GUCY2F: variants seen among roughly 807,000 people sequenced by gnomAD.
GUCY2F encodes guanylate cyclase 2F, retinal, also known as retinal guanylyl cyclase 2.
GUCY2F carries 61 observed loss-of-function variants against 73.1 expected under a neutral mutation model. That is an observed-to-expected ratio of 0.83 (90% CI 0.68 to 1.03). The LOEUF (loss-of-function observed/expected upper bound fraction) is 1.03. Ranked by LOEUF, GUCY2F falls within the 50% of genes least tolerant of loss-of-function variation. GUCY2F has a pLI of 0.00. For missense variants in GUCY2F, 912 were observed against 854.3 expected (o/e 1.07, Z -0.84); for synonymous variants, 331 against 307.8 (o/e 1.08, Z -0.79).
intron 6 of GUCY2F, among the ~76,000 whole-genome samples, chrX:109,447,518 C>T (rs1249400739): frequency 9.3e-6 from 1 of 107,587 alleles, no homozygotes; most frequent in Non-Finnish European, 1.9e-5. Context: ...GGCAAACTAT[C>T]GCAAGGACAG....
At position 109,385,261 on chromosome X, in the gene GUCY2F, A is replaced by G. The variant is rs1405922499; in HGVS notation, c.2978T>C (p.Val993Ala). ...GCAGTATCTGGGCATGGTGAGGCCC[A>G]CCACTCCAGCAACAACCGGCCCTAT... The part of the protein sequence containing the change: ...LHSGPVVAGV[V>A]GLTMPRYCLF... The change falls in exon 16 of 20, where the codon GTG becomes GCG. Residue 993 changes from valine to alanine, a missense_variant. By Grantham distance (64) the Val-to-Ala change is moderately conservative (BLOSUM62 0). Coordinates refer to ENST00000218006, the MANE Select transcript of GUCY2F (RefSeq NM_001522.3). 2 of 1,178,637 alleles carry G rather than the reference A, an allele frequency of 1.7e-6. No individual in the cohort carries two copies. The highest frequency in any genetic ancestry group is 2.3e-6 in the Non-Finnish European group (2 of 866,494).
At chrX:109,441,213 C>T (rs1417858745) in intron 7 of GUCY2F, 138 bp downstream of exon 7, 8 of 365,502 alleles carry the variant, frequency 2.2e-5, no homozygotes, top group Non-Finnish European at 3.9e-5. Context: ...CCAAACGAGT[C>T]CATAAGCAAA....
At chrX:109,424,605 T>C (rs1931441557) in intron 8 of GUCY2F, among the ~76,000 whole-genome samples, 1 of 111,171 alleles carries the variant, frequency 9.0e-6, no homozygotes, top group African/African-American at 3.3e-5. Context: ...AGTTCATGAT[T>C]ATAATCAGTG....
intron 8 of GUCY2F, among the ~76,000 whole-genome samples, chrX:109,419,779 A>G (rs746552619): frequency 6.3e-5 from 7 of 110,478 alleles, no homozygotes; most frequent in Non-Finnish European, 1.3e-4. Flanking sequence ...TGCAATCCCC[A>G]TCAAAAATTA....
intron 8 of GUCY2F, among the ~76,000 whole-genome samples, chrX:109,424,826 G>T: frequency 9.1e-6 from 1 of 109,546 alleles, no homozygotes; most frequent in South Asian, 4.1e-4. Context: ...GAGTTCAATG[G>T]CATGATTTTG....
intron 9 of GUCY2F, among the ~76,000 whole-genome samples, chrX:109,408,788 C>T (rs1170382831): frequency 1.8e-5 from 2 of 111,837 alleles, no homozygotes; most frequent in Admixed American, 9.4e-5. Context: ...CTGAAGCCTC[C>T]CCAGCCATGT....
At chrX:109,478,293 C>G (rs1932735546) in intron 1 of GUCY2F, among the ~76,000 whole-genome samples, 1 of 112,438 alleles carries the variant, frequency 8.9e-6, no homozygotes, top group African/African-American at 3.2e-5. Flanking sequence ...TCCAGCCTCC[C>G]TCTTTTCTCT....
In GUCY2F at chrX:109,453,489, A is replaced by AT. The variant is rs1443621222; in HGVS notation, c.1387+15dup. ...AGCTGAGCCAAATTGACTACTAGTG[A>AT]TTTTGCATTCCTTACCTCCATGGCA... On this transcript the variant is annotated intron_variant, in intron 4 of 19. Coordinates refer to ENST00000218006, the MANE Select transcript of GUCY2F (RefSeq NM_001522.3). 9.1e-7 allele frequency: 1 copy of AT among 1,104,394 alleles called. No individual in the cohort carries two copies. Among genetic ancestry groups the AT allele is most frequent in the Non-Finnish European group, 1.2e-6 (1 of 807,829 alleles). 91.0% of individuals were successfully genotyped at this position (1,104,394 alleles called of 1,213,427 possible).
chrX:109,402,495 C>G (rs1209811164), intron 10 of GUCY2F, among the ~76,000 whole-genome samples: 5 of 109,688 alleles, frequency 4.6e-5, no homozygotes, highest in Non-Finnish European at 9.5e-5. Context: ...GCCTTAGCCT[C>G]CTGAGTAGCT....
chrX:109,392,015 A>G lies in GUCY2F; in HGVS notation c.2677T>C (p.Phe893Leu), dbSNP rs761282012. ...VTLYFSDIVGFTTISAMSEPI... is the reference protein window; with the variant it reads ...VTLYFSDIVGLTTISAMSEPI... ...TCACTCATGGCTGAAATGGTTGTGA[A>G]GCCCACAATGTCGCTGAAGTACAAG... Residue 893 changes from phenylalanine to leucine, a missense_variant, in exon 14 of 20, where the codon TTC becomes CTC. Transcript: ENST00000218006. The G allele has an allele frequency of 3.3e-6, 4 of 1,206,733 alleles. No individual in the cohort carries two copies. The South Asian group carries it at 5.3e-5, about 16-fold the overall frequency.
At chrX:109,379,282 A>G (rs984691566) in intron 17 of GUCY2F, among the ~76,000 whole-genome samples, 4 of 112,091 alleles carry the variant, frequency 3.6e-5, no homozygotes, top group African/African-American at 1.3e-4. Flanking sequence ...GAGGAAGAAT[A>G]TGTGTGATTT....
intron 14 of GUCY2F, among the ~76,000 whole-genome samples, chrX:109,391,024 C>A (rs1930547748): frequency 8.9e-6 from 1 of 112,469 alleles, no homozygotes; most frequent in Non-Finnish European, 1.9e-5. Context: ...CATTCTCCAG[C>A]TCTACTTTGG....
intron 2 of GUCY2F, among the ~76,000 whole-genome samples, chrX:109,469,181 T>A (rs1302552414): frequency 9.0e-6 from 1 of 111,296 alleles, no homozygotes; most frequent in East Asian, 2.8e-4. Context: ...CTGTCTAGTG[T>A]CTATGTCTTT....
rs2147285849 is a variant in GUCY2F at position 109,475,708 on chromosome X, G to A, written c.229C>T (p.Arg77Ter). ...FSKALPEVAA[R>*]LAIERINRDP... The stretch of plus-strand genomic sequence containing the variant: ...CGGTTGATTCGCTCAATGGCTAATC[G>A]CGCAGCAACCTCAGGCAGGGCCTTT... The change falls in exon 2 of 20, where the codon CGA becomes TGA. Residue 77 changes from arginine to a stop codon, truncating the protein, a stop_gained. Transcript: ENST00000218006. LOFTEE classifies it high-confidence loss of function. 2 of 1,211,123 alleles carry A rather than the reference G, an allele frequency of 1.7e-6. No individual in the cohort carries two copies. Among genetic ancestry groups the A allele is most frequent in the Non-Finnish European group, 2.2e-6 (2 of 895,072 alleles).
At chrX:109,453,909 T>TTGACTGGTGGAA (rs1932198484) in intron 3 of GUCY2F, 50 bp from the exon 4 acceptor site, 1 of 679,960 alleles carries the variant, frequency 1.5e-6, no homozygotes, top group African/African-American at 2.2e-5. Context: ...CCTAGAGCGA[T>TTGACTGGTGGAA]CTCAGAGTAT....
chrX:109,423,632 G>T (rs1210339433), intron 8 of GUCY2F, among the ~76,000 whole-genome samples: 2 of 103,722 alleles, frequency 1.9e-5, no homozygotes, highest in Non-Finnish European at 3.9e-5. Flanking sequence ...GCCCAGGCTG[G>T]TCTCCAACCC....
intron 8 of GUCY2F, among the ~76,000 whole-genome samples, chrX:109,420,804 A>G (rs1034394938): frequency 1.2e-4 from 13 of 111,632 alleles, no homozygotes; most frequent in Admixed American, 7.6e-4. Context: ...TATCAAAAAG[A>G]CAAATGTTAA....
intron 11 of GUCY2F, among the ~76,000 whole-genome samples, chrX:109,396,535 G>T (rs1343530545): frequency 9.0e-6 from 1 of 110,692 alleles, no homozygotes; most frequent in African/African-American, 3.3e-5. Context: ...CCAGGCTCTT[G>T]TCCCTATCTC....
intron 8 of GUCY2F, among the ~76,000 whole-genome samples, chrX:109,417,352 A>ATTCT (rs1931268849): frequency 9.0e-6 from 1 of 111,377 alleles, no homozygotes; most frequent in Non-Finnish European, 1.9e-5. Context: ...ATAGTAGGCT[A>ATTCT]GTAAATGGGA....
Sources: gnomAD v4.1 joint callset for allele counts (sites outside exome capture counted in the v4.1 genomes callset) on GRCh38, gnomAD v4.1.1 for gene constraint, MANE v1.5 for transcripts, NCBI Gene and HGNC (gene_info 2026-07-23, HGNC 2026-07-21) for gene names.